Variants in CTDSP2 observed in about 807,000 individuals in gnomAD.
The protein encoded by CTDSP2 is CTD small phosphatase 2.
A neutral mutation model predicts 31.6 loss-of-function variants in CTDSP2; 9 were observed. The ratio of observed to expected loss-of-function variants is 0.28; its 90% CI spans 0.17 to 0.50. The LOEUF is 0.50. Ranked by LOEUF, CTDSP2 falls within the 20% of genes least tolerant of loss-of-function variation. The probability of loss-of-function intolerance (pLI) is 0.98; values close to 1 mark genes in which losing one functional copy is unlikely to be tolerated. For synonymous variants in CTDSP2, 134 were observed against 134.5 expected (o/e 1.00, Z 0.03); for missense variants, 267 against 348.5 (o/e 0.77, Z 1.86).
chr12:57,844,186 C>T (rs1401416198), intron 1 of CTDSP2, among the ~76,000 whole-genome samples: 2 of 151,578 alleles, frequency 1.3e-5, no homozygotes, highest in Non-Finnish European at 2.9e-5. Flanking sequence ...CAGAGTAAGA[C>T]TCCATCTCAA....
intron 2 of CTDSP2, among the ~76,000 whole-genome samples, chr12:57,828,227 C>T (rs1456112792): frequency 6.6e-6 from 1 of 152,102 alleles, no homozygotes; most frequent in Admixed American, 6.5e-5. Flanking sequence ...CGAGACCAGC[C>T]TGATCAACAT....
At chr12:57,839,090 T>C (rs1424467269) in intron 1 of CTDSP2, among the ~76,000 whole-genome samples, 1 of 152,156 alleles carries the variant, frequency 6.6e-6, no homozygotes, top group Non-Finnish European at 1.5e-5. Context: ...CTCCTTCATA[T>C]GGCTGGCCTC....
At chr12:57,839,890 G>A (rs1956272312) in intron 1 of CTDSP2, among the ~76,000 whole-genome samples, 2 of 151,888 alleles carry the variant, frequency 1.3e-5, no homozygotes, top group South Asian at 4.2e-4. Context: ...AGTGAGATAC[G>A]AGATATAAAA....
Position 57,840,353 on chromosome 12 carries a change from T to C in CTDSP2, c.64+6019A>G, listed in dbSNP as rs527405325. ...GAAGGCAATTCAGCCAAAGTCCCCT[T>C]GGCCCCTCTCCCCACCGTACCTGAC... On this transcript the variant is annotated intron_variant, in intron 1 of 7. Coordinates refer to ENST00000398073, the MANE Select transcript of CTDSP2 (RefSeq NM_005730.4). Among the ~76,000 whole-genome samples, 5 of 152,334 alleles carry C rather than the reference T, an allele frequency of 3.3e-5. No individual in the cohort carries two copies. The East Asian group carries it at 5.8e-4, about 18-fold the overall frequency.
chr12:57,843,219 T>A (rs891715352), intron 1 of CTDSP2, among the ~76,000 whole-genome samples: 1 of 152,190 alleles, frequency 6.6e-6, no homozygotes, highest in Admixed American at 6.5e-5. Flanking sequence ...TTCCTTGGCT[T>A]TCCCCCATCT....
In CTDSP2 at chr12:57,846,352, T is replaced by G. The variant is rs759036523; in HGVS notation, c.64+20A>C. ...CGCGCCCGGGGGCGACGCAAAGTTT[T>G]GGGAAGTTGCTGCCCCTACCTTGCT... On this transcript the variant is annotated intron_variant, in intron 1 of 7. Coordinates refer to ENST00000398073, the MANE Select transcript of CTDSP2 (RefSeq NM_005730.4). The G allele has an allele frequency of 6.9e-6, 11 of 1,600,130 alleles. No individual in the cohort carries two copies. The highest frequency in any genetic ancestry group is 3.3e-4 in the Middle Eastern group (2 of 6,052).
rs1491109515 is a variant in CTDSP2, at chr12:57,821,829, CCT to C, written c.*1771_*1772del. On this transcript the variant is annotated 3_prime_UTR_variant, in exon 8 of 8. Coordinates refer to ENST00000398073, the MANE Select transcript of CTDSP2 (RefSeq NM_005730.4). ...TATGATTCCAAAGAGAAAGACAAGGCCTTATAACCTTGGGACAAGAAGGGAAG... is the reference window on the plus strand; with the variant it reads ...TATGATTCCAAAGAGAAAGACAAGGCTATAACCTTGGGACAAGAAGGGAAG... 1 of 152,228 alleles carries C rather than the reference CCT, an allele frequency of 6.6e-6. No individual in the cohort carries two copies. Among genetic ancestry groups the C allele is most frequent in the Non-Finnish European group, 1.5e-5 (1 of 68,072 alleles). The allele number at this position is 152,228 out of a possible 1,614,324, so 9.4% of individuals were successfully genotyped here. A position where few individuals can be genotyped will look rare whatever the true frequency, so the allele number is the denominator to read the frequency against.
rs186950517 is a variant in CTDSP2 at position 57,825,635 on chromosome 12, G to C, written c.411+711C>G. On this transcript the variant is annotated intron_variant, in intron 5 of 7. Coordinates refer to ENST00000398073, the MANE Select transcript of CTDSP2 (RefSeq NM_005730.4). ...TTCTGGGCAAGCAAGCTGAGTAAAT[G>C]GTCTTTCACTAGCAGTGTCACATGA... is the stretch of plus-strand genomic sequence containing the variant. 1.4e-3 allele frequency among the ~76,000 whole-genome samples: 207 copies of C among 152,346 alleles called. 1 individual carries two copies. The highest frequency in any genetic ancestry group is 4.5e-3 in the African/African-American group (187 of 41,576).
chr12:57,841,793 G>T (rs905262021), intron 1 of CTDSP2, among the ~76,000 whole-genome samples: 3 of 152,258 alleles, frequency 2.0e-5, no homozygotes, highest in African/African-American at 7.2e-5. Flanking sequence ...AGGGCGAACA[G>T]AGTAGTCTAA....
In CTDSP2 at chr12:57,823,156, T is replaced by C. The variant is rs1291111253; in HGVS notation, c.*446A>G. On this transcript the variant is annotated 3_prime_UTR_variant, in exon 8 of 8. Transcript: ENST00000398073. Reference sequence around the variant, plus strand: ...CCAAAGGCATACCCTTCCTTTATCCTTGGCATAGGCCTTACAACACTGAGG... The same window carrying C: ...CCAAAGGCATACCCTTCCTTTATCCCTGGCATAGGCCTTACAACACTGAGG... 5.8e-6 allele frequency: 1 copy of C among 171,500 alleles called. No individual in the cohort carries two copies. Among genetic ancestry groups the C allele is most frequent in the African/African-American group, 2.4e-5 (1 of 42,364 alleles). The allele number at this position is 171,500 out of a possible 1,614,324, so 10.6% of individuals were successfully genotyped here. A position where few individuals can be genotyped will look rare whatever the true frequency, so the allele number is the denominator to read the frequency against.
intron 1 of CTDSP2, among the ~76,000 whole-genome samples, chr12:57,833,869 A>G (rs1481550027): frequency 6.6e-6 from 1 of 152,246 alleles, no homozygotes; most frequent in South Asian, 2.1e-4. Context: ...CTGAGCATCA[A>G]GGATGTGCCA....
At chr12:57,838,623 C>T (rs976693329) in intron 1 of CTDSP2, among the ~76,000 whole-genome samples, 2 of 152,194 alleles carry the variant, frequency 1.3e-5, no homozygotes, top group Admixed American at 6.5e-5. Flanking sequence ...TTGATACAAA[C>T]GTGAGCTGGA....
In CTDSP2 at chr12:57,830,415, AC is replaced by A. The variant is rs370265761; in HGVS notation, c.65-820del. On this transcript the variant is annotated intron_variant, in intron 1 of 7. Coordinates refer to ENST00000398073, the MANE Select transcript of CTDSP2 (RefSeq NM_005730.4). ...AACAACAACAAAAACAAACAAACAAACAAAACCAACAACAACAACAACAACA... is the reference window on the plus strand; with the variant it reads ...AACAACAACAAAAACAAACAAACAAAAAAACCAACAACAACAACAACAACA... Among the ~76,000 whole-genome samples the A allele has an allele frequency of 3.8e-3, 581 of 151,848 alleles. 16 individuals are homozygous for A. The South Asian group carries it at 0.066, about 17-fold the overall frequency.
In CTDSP2 at chr12:57,832,790, TAAAAAAAAAAAAAAAA is replaced by T. The variant is rs61390174; in HGVS notation, c.65-3210_65-3195del. ...CTGGGCAACAGAGCGAGACTCTGGC[TAAAAAAAAAAAAAAAA>T]AAAAAAAAAAAAGGAAAAGAAAAAG... On this transcript the variant is annotated intron_variant, in intron 1 of 7. Transcript: ENST00000398073. 8.9e-5 allele frequency among the ~76,000 whole-genome samples: 4 copies of T among 44,898 alleles called. No homozygotes were observed. In the Admixed American group the frequency reaches 1.3e-3, roughly 15 times the overall value. The allele number at this position is 44,898 out of a possible 152,430, so 29.5% of individuals were successfully genotyped here.
At chr12:57,827,453 G>T in intron 3 of CTDSP2, 99 bp downstream of exon 3, 1 of 1,317,898 alleles carries the variant, frequency 7.6e-7, no homozygotes, top group Non-Finnish European at 1.1e-6. Context: ...GGAGGTGGCT[G>T]GCTAGGCACC....
rs747959366 is a variant in CTDSP2, at chr12:57,826,364, A to C, written c.393T>G (p.Ile131Met). The C allele has an allele frequency of 1.2e-6, 2 of 1,614,140 alleles. No individual in the cohort carries two copies. Among genetic ancestry groups the C allele is most frequent in the African/African-American group, 1.3e-5 (1 of 75,044 alleles). The change falls in exon 5 of 8, where the codon ATT (isoleucine) becomes ATG (methionine). Residue 131 changes from isoleucine (I) to methionine (M), a missense_variant. Coordinates refer to ENST00000398073, the MANE Select transcript of CTDSP2 (RefSeq NM_005730.4). The stretch of plus-strand genomic sequence containing the variant: ...AGCTCACCTGGTGAGTGGTCCCCTC[A>C]ATCTCTATAGGCACTATGAAGTCAG... ...NNADFIVPIEIEGTTHQVYVL... is the reference protein window; with the variant it reads ...NNADFIVPIEMEGTTHQVYVL...
chr12:57,824,410 G>A, intron 5 of CTDSP2, 91 bp from the exon 6 acceptor site: 1 of 969,022 alleles, frequency 1.0e-6, no homozygotes, highest in Non-Finnish European at 1.6e-6. Flanking sequence ...GCAGCAAGGA[G>A]CTCTCAACCC....
In CTDSP2 at chr12:57,846,541, T is replaced by A; in HGVS notation, c.-106A>T. ...GGGGGCCCGCTCCGGCTCCCGAGAC[T>A]CCGACTTCCACAGCTGTTCACATCC... On this transcript the variant is annotated 5_prime_UTR_variant, in exon 1 of 8. Coordinates refer to ENST00000398073, the MANE Select transcript of CTDSP2 (RefSeq NM_005730.4). 1.1e-6 allele frequency: 1 copy of A among 887,810 alleles called. No homozygotes were observed. Among genetic ancestry groups the A allele is most frequent in the East Asian group, 3.2e-5 (1 of 31,132 alleles). The allele number at this position is 887,810 out of a possible 1,614,324, so 55.0% of individuals were successfully genotyped here. A position where few individuals can be genotyped will look rare whatever the true frequency, so the allele number is the denominator to read the frequency against.
chr12:57,842,447 C>T (rs1307270769), intron 1 of CTDSP2: 1 of 152,240 alleles, frequency 6.6e-6, no homozygotes, highest in Non-Finnish European at 1.5e-5. Flanking sequence ...CCTCTGCCAT[C>T]CTCCGAGGGA....
Sources: gnomAD v4.1 joint callset for allele counts (sites outside exome capture counted in the v4.1 genomes callset) on GRCh38, gnomAD v4.1.1 for gene constraint, MANE v1.5 for transcripts, NCBI Gene and HGNC (gene_info 2026-07-23, HGNC 2026-07-21) for gene names.